KCNK10: variants seen among roughly 807,000 people sequenced by gnomAD.
KCNK10 encodes the protein potassium channel subfamily K member 10.
A neutral mutation model predicts 47.7 loss-of-function variants in KCNK10; 25 were observed. The ratio of observed to expected loss-of-function variants is 0.52; its 90% CI spans 0.38 to 0.73. KCNK10 has a LOEUF of 0.73. Among genes scored for constraint, KCNK10 ranks in the 30% least tolerant of loss-of-function variants. The pLI is 0.00. For synonymous variants in KCNK10, 303 were observed against 285.6 expected, an observed-to-expected ratio of 1.06 and a Z score of -0.61; for missense variants, 563 against 714.5, an observed-to-expected ratio of 0.79 and a Z score of 2.42.
chr14:88,287,674 G>GGTGTGTGTGTGTGT (rs199702993), intron 1 of KCNK10, among the ~76,000 whole-genome samples: 2 of 141,542 alleles, frequency 1.4e-5, no homozygotes, highest in Non-Finnish European at 3.1e-5. Context: ...AGTATTCCAT[G>GGTGTGTGTGTGTGT]GTGTGTGTGT....
intron 2 of KCNK10, among the ~76,000 whole-genome samples, chr14:88,241,415 C>A (rs995710373): frequency 1.3e-5 from 2 of 152,146 alleles, no homozygotes; most frequent in African/African-American, 4.8e-5. Context: ...CCAAGTAACA[C>A]CCTTAGCCAA....
At chr14:88,255,628 A>C (rs1406181767) in intron 2 of KCNK10, among the ~76,000 whole-genome samples, 1 of 152,096 alleles carries the variant, frequency 6.6e-6, no homozygotes, top group Non-Finnish European at 1.5e-5. Context: ...GAGGCCTCTG[A>C]GGACTTCAGT....
chr14:88,269,251 T>C (rs1195559784), intron 1 of KCNK10, among the ~76,000 whole-genome samples: 3 of 152,238 alleles, frequency 2.0e-5, no homozygotes, highest in African/African-American at 7.2e-5. Context: ...AAGTTGACAT[T>C]ATTCAGGCTT....
At chr14:88,210,227 T>C (rs539725538) in intron 4 of KCNK10, among the ~76,000 whole-genome samples, 1 of 152,332 alleles carries the variant, frequency 6.6e-6, no homozygotes, top group East Asian at 1.9e-4. Flanking sequence ...GCATGGATCA[T>C]TCACCCAAGG....
At chr14:88,215,224 C>T (rs940100450) in intron 4 of KCNK10, among the ~76,000 whole-genome samples, 2 of 152,160 alleles carry the variant, frequency 1.3e-5, no homozygotes, top group African/African-American at 2.4e-5. Context: ...TGAAGAAATA[C>T]TCGAGACTGG....
chr14:88,326,267 C>T, upstream of KCNK10: 1 of 501,312 alleles, frequency 2.0e-6, no homozygotes, highest in South Asian at 1.9e-5. Context: ...AAACACAACT[C>T]CTCCTCAACT....
chr14:88,310,239 A>ATCATATTT (rs1595133091), intron 1 of KCNK10, among the ~76,000 whole-genome samples: 1 of 147,098 alleles, frequency 6.8e-6, no homozygotes, highest in Non-Finnish European at 1.5e-5. Context: ...GATATACCAT[A>ATCATATTT]TAAATGATAT....
chr14:88,185,842 C>A lies in KCNK10; in HGVS notation c.1325G>T (p.Gly442Val), dbSNP rs776519387. The A allele has an allele frequency of 1.2e-6, 2 of 1,614,174 alleles. No homozygotes were observed. Among genetic ancestry groups the A allele is most frequent in the Non-Finnish European group, 1.7e-6 (2 of 1,180,034 alleles). The change falls in exon 7 of 7, where the codon GGT (glycine) becomes GTT (valine). Residue 442 changes from glycine (G) to valine (V), a missense_variant. Transcript: ENST00000319231. This position sits in a 1 kb window ranked among gnomAD's most constrained non-coding sequence, Gnocchi z 4.3. ...GTTGATGATGTTGTCCTCGGACGCA[C>A]CCTGCCCATGCTTGTTCAGCTGCTC... ...GPEQLNKHGQGASEDNIINKF... is the reference protein window; with the variant it reads ...GPEQLNKHGQVASEDNIINKF...
intron 1 of KCNK10, among the ~76,000 whole-genome samples, chr14:88,319,626 TC>T (rs1203900135): frequency 6.6e-6 from 1 of 152,118 alleles, no homozygotes. Flanking sequence ...TGTCTCCTCT[TC>T]TCCTTCCTCC....
At chr14:88,282,623 A>G (rs962024617) in intron 1 of KCNK10, among the ~76,000 whole-genome samples, 1 of 152,192 alleles carries the variant, frequency 6.6e-6, no homozygotes, top group African/African-American at 2.4e-5. Flanking sequence ...GAAGGGAACT[A>G]CATCTACCCC....
rs113683496 is a variant in KCNK10 at position 88,315,323 on chromosome 14, C to T, written c.52+7424G>A. 2.5e-3 allele frequency among the ~76,000 whole-genome samples: 380 copies of T among 152,284 alleles called. 1 individual carries two copies. Among genetic ancestry groups the T allele is most frequent in the African/African-American group, 8.8e-3 (367 of 41,554 alleles). Reference sequence around the variant, plus strand: ...AGTCCACAGTTAACATGGGTAACAACACTCCCCAGTTCTCAGAGGAAAATA... The same window carrying T: ...AGTCCACAGTTAACATGGGTAACAATACTCCCCAGTTCTCAGAGGAAAATA... On this transcript the variant is annotated intron_variant, in intron 1 of 6. Coordinates refer to ENST00000319231, the MANE Select transcript of KCNK10 (RefSeq NM_138317.3).
At chr14:88,292,053 C>T (rs1887890787) in intron 1 of KCNK10, among the ~76,000 whole-genome samples, 1 of 152,200 alleles carries the variant, frequency 6.6e-6, no homozygotes, top group African/African-American at 2.4e-5. Context: ...GGGGTCTTCA[C>T]AGGGTGGCCA....
intron 1 of KCNK10, among the ~76,000 whole-genome samples, chr14:88,271,553 C>T (rs965380226): frequency 6.6e-6 from 1 of 152,184 alleles, no homozygotes; most frequent in African/African-American, 2.4e-5. Flanking sequence ...CAGTTCGGGC[C>T]TTTCTTGTTC....
At chr14:88,192,516 C>G (rs1167223674) in intron 4 of KCNK10, 106 bp from the exon 5 acceptor site, 2 of 940,258 alleles carry the variant, frequency 2.1e-6, no homozygotes, top group African/African-American at 1.7e-5. Context: ...TAACCTTTCT[C>G]TGGTCATTGG....
intron 2 of KCNK10, among the ~76,000 whole-genome samples, chr14:88,259,014 C>T (rs952440725): frequency 2.0e-5 from 3 of 152,238 alleles, no homozygotes; most frequent in Non-Finnish European, 4.4e-5. Context: ...CATCTACTTT[C>T]TACTCTCCAG....
At chr14:88,223,683 C>T (rs1304094974) in intron 4 of KCNK10, among the ~76,000 whole-genome samples, 1 of 152,122 alleles carries the variant, frequency 6.6e-6, no homozygotes, top group South Asian at 2.1e-4. Context: ...ACTTTGCATC[C>T]CTCTTGGGTC....
intron 4 of KCNK10, among the ~76,000 whole-genome samples, chr14:88,215,597 T>C (rs1232316283): frequency 6.6e-6 from 1 of 152,174 alleles, no homozygotes; most frequent in African/African-American, 2.4e-5. Context: ...CTCAGTATTA[T>C]CTCAACAAAA....
chr14:88,235,240 C>A (rs1886267965), intron 3 of KCNK10: 1 of 456,530 alleles, frequency 2.2e-6, no homozygotes, highest in African/African-American at 2.0e-5. Context: ...TCCATGAAAT[C>A]ATTTGGCAGA....
intron 1 of KCNK10, among the ~76,000 whole-genome samples, chr14:88,268,221 G>A (rs916917533): frequency 6.6e-6 from 1 of 152,174 alleles, no homozygotes; most frequent in Non-Finnish European, 1.5e-5. Context: ...GCTGTCTGAG[G>A]AGTCCTGTGT....
Sources: gnomAD v4.1 joint callset for allele counts (sites outside exome capture counted in the v4.1 genomes callset) on GRCh38, gnomAD v4.1.1 for gene constraint, Gnocchi (gnomAD v3.1) non-coding constraint, MANE v1.5 for transcripts, NCBI Gene and HGNC (gene_info 2026-07-23, HGNC 2026-07-21) for gene names.